The following ACSM1 variants were observed in gnomAD, a reference collection of about 807,000 sequenced individuals.
The protein encoded by ACSM1 is acyl-coenzyme A synthetase ACSM1, mitochondrial.
Under a neutral mutation model 75.8 loss-of-function variants are expected in ACSM1, and 79 were observed. The ratio of observed to expected loss-of-function variants is 1.04; its 90% CI spans 0.87 to 1.26. ACSM1 has a LOEUF of 1.26. Among genes scored for constraint, ACSM1 ranks in the 50% most tolerant of loss-of-function variants. The pLI is 0.00. For synonymous variants in ACSM1, 279 were observed against 265.8 expected, an observed-to-expected ratio of 1.05 and a Z score of -0.48; for missense variants, 676 against 720.1, an observed-to-expected ratio of 0.94 and a Z score of 0.70.
chr16:20,672,340 C>T (rs1247746667), intron 4 of ACSM1, among the ~76,000 whole-genome samples: 1 of 147,330 alleles, frequency 6.8e-6, no homozygotes, highest in Non-Finnish European at 1.5e-5. Flanking sequence ...CCCAGCTACT[C>T]GGGAGGCTGA....
At chr16:20,637,563 G>C in intron 8 of ACSM1, 112 bp from the exon 9 acceptor site, 1 of 968,044 alleles carries the variant, frequency 1.0e-6, no homozygotes, top group South Asian at 1.4e-5. Flanking sequence ...TCCTCTCAAT[G>C]GATGCTGCCC....
Position 20,624,204 on chromosome 16 carries a change from G to T in ACSM1, c.1539C>A (p.Ala513=). The T allele has an allele frequency of 6.2e-7, 1 of 1,610,012 alleles. No homozygotes were observed. Among genetic ancestry groups the T allele is most frequent in the Non-Finnish European group, 8.5e-7 (1 of 1,177,518 alleles). ...PDPIRGEVVK[A]FIVLTPQFLS... ...GGAACTGTGGGGTCAGGACAATAAAGGCCTTCACCACCTGCAGAATGAAGT... is the reference window on the plus strand; with the variant it reads ...GGAACTGTGGGGTCAGGACAATAAATGCCTTCACCACCTGCAGAATGAAGT... Residue 513 remains alanine, a synonymous_variant, in exon 13 of 14, where the codon GCC becomes GCA. Transcript: ENST00000520010.
intron 7 of ACSM1, among the ~76,000 whole-genome samples, 197 bp from the exon 8 acceptor site, chr16:20,640,781 C>T (rs539627576): frequency 3.2e-4 from 49 of 152,116 alleles, no homozygotes; most frequent in Non-Finnish European, 6.0e-4. Flanking sequence ...TTCTGGCAGA[C>T]GGTGGATGGG....
chr16:20,637,566 T>C, intron 8 of ACSM1, 115 bp from the exon 9 acceptor site: 1 of 956,676 alleles, frequency 1.0e-6, no homozygotes, highest in Non-Finnish European at 1.7e-6. Context: ...TCTCAATGGA[T>C]GCTGCCCAAA....
At chr16:20,655,043 A>G (rs2018872242) in intron 7 of ACSM1, among the ~76,000 whole-genome samples, 1 of 152,158 alleles carries the variant, frequency 6.6e-6, no homozygotes, top group Non-Finnish European at 1.5e-5. Flanking sequence ...TGTGGCACAT[A>G]TACACCATGG....
chr16:20,672,711 A>G (rs1344641403), intron 4 of ACSM1, among the ~76,000 whole-genome samples: 1 of 126,614 alleles, frequency 7.9e-6, no homozygotes, highest in East Asian at 2.2e-4. Flanking sequence ...ATATATACAT[A>G]TACATGTATA....
chr16:20,626,328 ACT>A (rs1381365455), intron 11 of ACSM1, among the ~76,000 whole-genome samples: 1 of 152,034 alleles, frequency 6.6e-6, no homozygotes, highest in African/African-American at 2.4e-5. Context: ...ACAGTGGGAG[ACT>A]CTGTCTCAGA....
chr16:20,670,115 T>C, intron 5 of ACSM1, 129 bp from the exon 6 acceptor site: 1 of 865,016 alleles, frequency 1.2e-6, no homozygotes, highest in South Asian at 1.7e-5. Flanking sequence ...TGGGGCTCCA[T>C]ACCACCCTCA....
At chr16:20,665,438 T>C (rs530234768) in intron 6 of ACSM1, among the ~76,000 whole-genome samples, 3 of 152,120 alleles carry the variant, frequency 2.0e-5, no homozygotes, top group East Asian at 1.9e-4. Context: ...CCTCTCAACA[T>C]TGAACCAGAA....
At chr16:20,651,337 T>C (rs2018634221) in intron 7 of ACSM1, among the ~76,000 whole-genome samples, 1 of 152,182 alleles carries the variant, frequency 6.6e-6, no homozygotes, top group Non-Finnish European at 1.5e-5. Flanking sequence ...TGACTAAAAA[T>C]ATATGAAGAG....
chr16:20,637,438 G>A lies in ACSM1; in HGVS notation c.1130C>T (p.Ala377Val). The change falls in exon 9 of 14, where the codon GCC becomes GTC. Residue 377 changes from alanine (A) to valine (V), a missense_variant. Ala to Val is a moderately conservative substitution (Grantham distance 64). Coordinates refer to ENST00000520010, the MANE Select transcript of ACSM1 (RefSeq NM_001318890.3). ...CTTGATCTTCATTCCCCAGTAGGTG[G>A]CACAAATTAGTCCCTGTTCACAAAA... The part of the protein sequence containing the change: ...YGQSETGLIC[A>V]TYWGMKIKPG... The A allele has an allele frequency of 6.2e-7, 1 of 1,613,860 alleles. No homozygotes were observed. The highest frequency in any genetic ancestry group is 1.7e-5 in the Admixed American group (1 of 60,020).
At chr16:20,631,711 C>T (rs1002114976) in intron 10 of ACSM1, among the ~76,000 whole-genome samples, 56 of 152,114 alleles carry the variant, frequency 3.7e-4, no homozygotes, top group African/African-American at 1.3e-3. Flanking sequence ...TCATGTCTTT[C>T]GTGGCAACTT....
At chr16:20,650,143 T>C (rs1332370347) in intron 7 of ACSM1, among the ~76,000 whole-genome samples, 3 of 152,214 alleles carry the variant, frequency 2.0e-5, no homozygotes, top group African/African-American at 7.2e-5. Context: ...TGAGTTGGTT[T>C]TCTCCTAGGT....
chr16:20,627,473 G>A (rs146324160), intron 10 of ACSM1, among the ~76,000 whole-genome samples, 157 bp from the exon 11 acceptor site: 100 of 152,252 alleles, frequency 6.6e-4, no homozygotes, highest in African/African-American at 1.7e-3. Flanking sequence ...TACATGTAGC[G>A]CATGATGCAT....
chr16:20,672,747 AT>A, intron 4 of ACSM1, among the ~76,000 whole-genome samples: 1 of 122,264 alleles, frequency 8.2e-6, no homozygotes, highest in Non-Finnish European at 1.6e-5. Flanking sequence ...GTTATATATA[AT>A]ATTTATGCTT....
chr16:20,629,456 A>T (rs1011459061), intron 10 of ACSM1, among the ~76,000 whole-genome samples: 40 of 152,234 alleles, frequency 2.6e-4, no homozygotes, highest in African/African-American at 9.4e-4. Context: ...TCAGAAGGGA[A>T]AAAATGTGTC....
At chr16:20,630,206 G>A (rs114258924) in intron 10 of ACSM1, among the ~76,000 whole-genome samples, 2,129 of 148,796 alleles carry the variant, frequency 0.014, 54 homozygotes, top group African/African-American at 0.051. Context: ...CACAACCTCC[G>A]CCTCCAGTAG....
intron 10 of ACSM1, among the ~76,000 whole-genome samples, chr16:20,632,137 T>C (rs1009210812): frequency 3.3e-5 from 5 of 152,040 alleles, no homozygotes; most frequent in African/African-American, 9.7e-5. Flanking sequence ...AGCACATACG[T>C]TAAAAAAGAT....
At chr16:20,636,702 CTTGGGGCCAGG>C (rs1375258042) in intron 10 of ACSM1, 26 bp downstream of exon 10, 2 of 1,527,800 alleles carry the variant, frequency 1.3e-6, no homozygotes, top group Non-Finnish European at 1.8e-6. Flanking sequence ...TGTTGGGATC[CTTGGGGCCAGG>C]ATGGGGGCAG....
Sources: allele counts gnomAD v4.1 joint callset (sites outside exome capture counted in the v4.1 genomes callset), GRCh38; gene constraint gnomAD v4.1.1; transcripts MANE v1.5; gene names NCBI Gene and HGNC (gene_info 2026-07-23, HGNC 2026-07-21).